Variants in SLC2A1 observed in about 807,000 individuals in gnomAD.
SLC2A1 encodes solute carrier family 2 member 1.
SLC2A1 carries 4 observed loss-of-function variants against 46.6 expected under a neutral mutation model. That is an observed-to-expected ratio of 0.09 (90% CI 0.04 to 0.20). SLC2A1 has a LOEUF of 0.20. SLC2A1 is among the 10% of genes least tolerant of loss of function. The pLI is 1.00. For synonymous variants in SLC2A1, 253 were observed against 270.0 expected (o/e 0.94, Z 0.62); for missense variants, 352 against 667.0 (o/e 0.53, Z 5.20).
intron 2 of SLC2A1, among the ~76,000 whole-genome samples, chr1:42,934,868 C>T (rs1643526521): frequency 6.6e-6 from 1 of 152,192 alleles, no homozygotes; most frequent in East Asian, 1.9e-4. Context: ...TGTCCTACTT[C>T]TCTACCCAGG....
At position 42,927,800 on chromosome 1, in the gene SLC2A1, T is replaced by A. The variant is rs769629520; in HGVS notation, c.1083A>T (p.Leu361=). 1.2e-6 allele frequency: 2 copies of A among 1,612,428 alleles called. No homozygotes were observed. The highest frequency in any genetic ancestry group is 3.3e-5 in the Admixed American group (2 of 59,800). Residue 361 remains leucine, a synonymous_variant, in exon 9 of 10, where the codon CTA becomes CTT. Coordinates refer to ENST00000426263, the MANE Select transcript of SLC2A1 (RefSeq NM_006516.4). This position sits in a 1 kb window ranked among gnomAD's most constrained non-coding sequence, Gnocchi z 5.3. ...CGATGCTCAGATAGGACATCCAGGG[T>A]AGCTGCTCCTGTTGAGGATGACGGA... ...MTIALALLEQ[L]PWMSYLSIVA...
At position 42,930,725 on chromosome 1, in the gene SLC2A1, G is replaced by A. The variant is rs144538918; in HGVS notation, c.417C>T (p.Phe139=). The A allele has an allele frequency of 9.4e-4, 1,521 of 1,611,942 alleles. 10 individuals are homozygous for A. In the African/African-American group the frequency reaches 0.016, roughly 17 times the overall value. ...ACACTTCACCCACATACATGGGCAC[G>A]AAGCCTGTGGTCAGGCCGCAGTACA... The part of the protein sequence containing the change: ...IGVYCGLTTG[F]VPMYVGEVSP... Residue 139 remains phenylalanine (F), a synonymous_variant, in exon 4 of 10, where the codon TTC becomes TTT. Transcript: ENST00000426263. This position sits in a 1 kb window ranked among gnomAD's most constrained non-coding sequence, Gnocchi z 6.2.
chr1:42,949,906 G>A (rs77820826), intron 1 of SLC2A1, among the ~76,000 whole-genome samples: 59 of 152,268 alleles, frequency 3.9e-4, no homozygotes, highest in African/African-American at 1.0e-3. Flanking sequence ...CCTTGTTTCC[G>A]GGTACTGGTC....
At chr1:42,941,261 GC>G (rs1170338320) in intron 2 of SLC2A1, among the ~76,000 whole-genome samples, 2 of 152,038 alleles carry the variant, frequency 1.3e-5, no homozygotes, top group Admixed American at 1.3e-4. Flanking sequence ...CCCTAGCTGG[GC>G]CCCCGTGCTG....
In SLC2A1 at chr1:42,931,940, TC is replaced by T. The variant is rs555427535; in HGVS notation, c.115-735del. Among the ~76,000 whole-genome samples, 675 of 150,118 alleles carry T rather than the reference TC, an allele frequency of 4.5e-3. 4 individuals carry two copies. Among genetic ancestry groups the T allele is most frequent in the African/African-American group, 0.016 (634 of 40,890 alleles). ...GGGCCCATCTCCTGCCATCAGGCCC[TC>T]CCCCCAACCCCTTGCTGGGGAGGAA... is the stretch of plus-strand genomic sequence containing the variant. On this transcript the variant is annotated intron_variant, in intron 2 of 9. Coordinates refer to ENST00000426263, the MANE Select transcript of SLC2A1 (RefSeq NM_006516.4).
Position 42,930,920 on chromosome 1 carries a change from G to A in SLC2A1, c.276-54C>T. 5 of 1,604,798 alleles carry A rather than the reference G, an allele frequency of 3.1e-6. No individual in the cohort carries two copies. The highest frequency in any genetic ancestry group is 1.7e-5 in the Admixed American group (1 of 59,934). On this transcript the variant is annotated intron_variant, in intron 3 of 9. Coordinates refer to ENST00000426263, the MANE Select transcript of SLC2A1 (RefSeq NM_006516.4). The surrounding 1 kb of genome is among the most constrained non-coding windows in gnomAD (Gnocchi z 6.2). ...TGCCCACATTCCTTGGGCTCCGAGG[G>A]GCTGGGTCAGAGGTAATACCCTGGA... is the stretch of plus-strand genomic sequence containing the variant.
At chr1:42,928,872 G>T in intron 8 of SLC2A1, 60 bp downstream of exon 8, 1 of 1,455,604 alleles carries the variant, frequency 6.9e-7, no homozygotes. Context: ...AGGCATTTTG[G>T]GATATGAAGC....
intron 1 of SLC2A1, 81 bp downstream of exon 1, chr1:42,958,553 G>T (rs1199577179): frequency 8.0e-7 from 1 of 1,249,242 alleles, no homozygotes; most frequent in South Asian, 1.6e-5. Flanking sequence ...CGGGGCGGCG[G>T]GGGAGGCCCT....
intron 2 of SLC2A1, among the ~76,000 whole-genome samples, chr1:42,936,469 GT>G: frequency 6.6e-6 from 1 of 152,178 alleles, no homozygotes; most frequent in Non-Finnish European, 1.5e-5. Context: ...GGAGCCAGAT[GT>G]TCCAGGTGGG....
chr1:42,946,614 T>C (rs1643658452), intron 1 of SLC2A1, among the ~76,000 whole-genome samples: 2 of 152,128 alleles, frequency 1.3e-5, no homozygotes, highest in Non-Finnish European at 2.9e-5. Flanking sequence ...ACAGAGAGTC[T>C]GCCAAGTGGG....
At chr1:42,949,713 G>C (rs1368401883) in intron 1 of SLC2A1, among the ~76,000 whole-genome samples, 1 of 152,208 alleles carries the variant, frequency 6.6e-6, no homozygotes, top group Non-Finnish European at 1.5e-5. Flanking sequence ...CCCTGCCAGA[G>C]GCTGCTCACA....
At chr1:42,931,406 T>G (rs1411455378) in intron 2 of SLC2A1, among the ~76,000 whole-genome samples, 200 bp from the exon 3 acceptor site, 1 of 152,200 alleles carries the variant, frequency 6.6e-6, no homozygotes, top group Admixed American at 6.5e-5. Context: ...GGAGTTCATC[T>G]GAGAGCCCCG....
At chr1:42,948,925 C>T (rs1570604985) in intron 1 of SLC2A1, among the ~76,000 whole-genome samples, 1 of 151,974 alleles carries the variant, frequency 6.6e-6, no homozygotes, top group African/African-American at 2.4e-5. Context: ...AAAATTAGCC[C>T]GGCATGGTGG....
intron 1 of SLC2A1, among the ~76,000 whole-genome samples, chr1:42,949,067 CAAA>C (rs370563756): frequency 3.3e-4 from 35 of 107,038 alleles, no homozygotes; most frequent in Non-Finnish European, 3.4e-4. Context: ...GACTCTGTCT[CAAA>C]AAAAAAAAAA....
rs962968316 is a variant in SLC2A1 at position 42,938,717 on chromosome 1, C to G, written c.114+4509G>C. Reference sequence around the variant, plus strand: ...TCCGCATCAGCAGAACATTTCACACCCCTGCACCTCTGCAGAAGCCCCTCT... The same window carrying G: ...TCCGCATCAGCAGAACATTTCACACGCCTGCACCTCTGCAGAAGCCCCTCT... On this transcript the variant is annotated intron_variant, in intron 2 of 9. Coordinates refer to ENST00000426263, the MANE Select transcript of SLC2A1 (RefSeq NM_006516.4). Among the ~76,000 whole-genome samples the G allele has an allele frequency of 1.3e-4, 20 of 152,310 alleles. No individual in the cohort carries two copies. The East Asian group carries it at 3.7e-3, about 28-fold the overall frequency.
intron 1 of SLC2A1, among the ~76,000 whole-genome samples, chr1:42,955,473 G>A (rs532029669): frequency 5.3e-4 from 80 of 152,268 alleles, no homozygotes; most frequent in African/African-American, 1.8e-3. Flanking sequence ...AGCTGGGCAC[G>A]GTGACGCATG....
chr1:42,936,921 G>A (rs1054037426), intron 2 of SLC2A1, among the ~76,000 whole-genome samples: 11 of 152,092 alleles, frequency 7.2e-5, no homozygotes, highest in African/African-American at 2.4e-4. Flanking sequence ...AAACAGAGAC[G>A]GCTTTGGTAC....
chr1:42,944,603 G>C (rs1448734370), intron 1 of SLC2A1, among the ~76,000 whole-genome samples: 2 of 139,950 alleles, frequency 1.4e-5, no homozygotes, highest in Non-Finnish European at 3.0e-5. Context: ...CATATTCCCA[G>C]TATGGTCTTT....
At chr1:42,958,582 A>G in intron 1 of SLC2A1, 52 bp downstream of exon 1, 1 of 1,477,760 alleles carries the variant, frequency 6.8e-7, no homozygotes, top group Non-Finnish European at 9.0e-7. Flanking sequence ...TAAGGCGGGC[A>G]GGAGTCTGCG....
Sources: gnomAD v4.1 joint callset for allele counts (sites outside exome capture counted in the v4.1 genomes callset) on GRCh38, gnomAD v4.1.1 for gene constraint, Gnocchi (gnomAD v3.1) non-coding constraint, MANE v1.5 for transcripts, NCBI Gene and HGNC (gene_info 2026-07-23, HGNC 2026-07-21) for gene names.